ZFYVE9: variants seen among roughly 807,000 people sequenced by gnomAD.
ZFYVE9 encodes zinc finger FYVE-type containing 9.
In ZFYVE9, 43 loss-of-function variants were observed where a neutral mutation model predicts 126.7. The ratio of observed to expected loss-of-function variants is 0.34; its 90% CI spans 0.27 to 0.44. ZFYVE9 has a LOEUF of 0.44. ZFYVE9 is among the 20% of genes least tolerant of loss of function. The pLI is 1.00. For synonymous variants in ZFYVE9, 521 were observed against 597.4 expected, an observed-to-expected ratio of 0.87 and a Z score of 1.87; for missense variants, 1,476 against 1,697.0, an observed-to-expected ratio of 0.87 and a Z score of 2.29.
chr1:52,286,029 G>A (rs1302314635), intron 10 of ZFYVE9, among the ~76,000 whole-genome samples: 1 of 152,016 alleles, frequency 6.6e-6, no homozygotes, highest in Non-Finnish European at 1.5e-5. Flanking sequence ...GATGGTGGGC[G>A]CCTGTCATCC....
In ZFYVE9 at chr1:52,296,127, G is replaced by GTA. The variant is rs139945921; in HGVS notation, c.3333+163_3333+164dup. ...AAGAAAAAGAACAGTATATGTATGT[G>GTA]TATATATATATATACACACACACAC... On this transcript the variant is annotated intron_variant, in intron 12 of 18. Transcript: ENST00000287727. 2,557 of 503,486 alleles carry GTA rather than the reference G, an allele frequency of 5.1e-3. 27 individuals are homozygous for GTA. Among genetic ancestry groups the GTA allele is most frequent in the African/African-American group, 0.034 (1,690 of 50,418 alleles). 31.2% of individuals were successfully genotyped at this position (503,486 alleles called of 1,614,324 possible).
At chr1:52,245,154 ACT>A (rs1376150360) in intron 4 of ZFYVE9, among the ~76,000 whole-genome samples, 2 of 149,044 alleles carry the variant, frequency 1.3e-5, no homozygotes, top group African/African-American at 5.0e-5. Flanking sequence ...ACAGAGAGAG[ACT>A]CTGTCTCAAA....
At chr1:52,302,293 T>G (rs1453025140) in intron 12 of ZFYVE9, among the ~76,000 whole-genome samples, 2 of 152,230 alleles carry the variant, frequency 1.3e-5, no homozygotes, top group East Asian at 3.8e-4. Context: ...GTCAAGTTAC[T>G]TAGAAAAACC....
Position 52,238,495 on chromosome 1 carries a change from G to T in ZFYVE9, c.1078G>T (p.Asp360Tyr). Residue 360 changes from aspartate to tyrosine, a missense_variant, in exon 4 of 19, where the codon GAT becomes TAT. Around this residue, in one of 2 missense-constraint regions of ZFYVE9, gnomAD observed 807 missense variants for 794.6 expected, o/e 1.02. Transcript: ENST00000287727. Reference protein sequence around the residue: ...GRNNDCERCSDCLVPNEVRAD... With the variant: ...GRNNDCERCSYCLVPNEVRAD... ...GAATAATGACTGTGAACGGTGTTCA[G>T]ATTGCCTTGTGCCTAATGAAGTTAG... 6.2e-6 allele frequency: 10 copies of T among 1,614,114 alleles called. No individual in the cohort carries two copies. The highest frequency in any genetic ancestry group is 8.5e-6 in the Non-Finnish European group (10 of 1,179,960).
chr1:52,257,081 G>T (rs1159467833), intron 4 of ZFYVE9, among the ~76,000 whole-genome samples: 1 of 152,280 alleles, frequency 6.6e-6, no homozygotes, highest in East Asian at 1.9e-4. Context: ...CTGTAAGAGG[G>T]TATAAATAGG....
intron 1 of ZFYVE9, among the ~76,000 whole-genome samples, chr1:52,175,825 G>A (rs1644621808): frequency 6.6e-6 from 1 of 152,030 alleles, no homozygotes; most frequent in African/African-American, 2.4e-5. Flanking sequence ...CATTCTTCAC[G>A]TAGTTCTCGA....
At chr1:52,292,282 C>CAA (rs568918260) in intron 10 of ZFYVE9, among the ~76,000 whole-genome samples, 85 of 72,250 alleles carry the variant, frequency 1.2e-3, no homozygotes, top group East Asian at 5.0e-3. Context: ...GACTCCATCT[C>CAA]AAAAAAAAAA....
At chr1:52,178,939 G>A (rs574955125) in intron 1 of ZFYVE9, among the ~76,000 whole-genome samples, 13 of 151,988 alleles carry the variant, frequency 8.6e-5, no homozygotes, top group Admixed American at 7.2e-4. Flanking sequence ...TGAGTAGCTG[G>A]GACCACAGGC....
intron 1 of ZFYVE9, among the ~76,000 whole-genome samples, chr1:52,153,678 A>G (rs1338512220): frequency 1.3e-5 from 2 of 152,172 alleles, no homozygotes; most frequent in African/African-American, 4.8e-5. Flanking sequence ...CCTTGGACAC[A>G]AGGAATACTC....
chr1:52,339,813 G>A lies in ZFYVE9; in HGVS notation c.3834-313G>A, dbSNP rs962445072. Among the ~76,000 whole-genome samples the A allele has an allele frequency of 2.0e-5, 3 of 152,208 alleles. No individual in the cohort carries two copies. The East Asian group carries it at 5.8e-4, about 29-fold the overall frequency. On this transcript the variant is annotated intron_variant, in intron 16 of 18. Transcript: ENST00000287727. Reference sequence around the variant, plus strand: ...GTGGGTGACCATGCATTCACTGAAAGAAGGGATACTGGAAGAAGAGCAGGT... The same window carrying A: ...GTGGGTGACCATGCATTCACTGAAAAAAGGGATACTGGAAGAAGAGCAGGT...
intron 1 of ZFYVE9, among the ~76,000 whole-genome samples, chr1:52,202,860 AT>A (rs1382026712): frequency 2.8e-4 from 42 of 151,020 alleles, no homozygotes; most frequent in Admixed American, 5.9e-4. Flanking sequence ...TAATTTTTGT[AT>A]TTTTAGTAGA....
intron 17 of ZFYVE9, 27 bp from the exon 18 acceptor site, chr1:52,344,735 CAAGTTT>C (rs754759006): frequency 1.4e-5 from 22 of 1,607,846 alleles, no homozygotes; most frequent in Non-Finnish European, 1.9e-5. Flanking sequence ...AATCTAGGCA[CAAGTTT>C]AAAAGTCTCT....
At chr1:52,305,243 C>A (rs1191697899) in intron 13 of ZFYVE9, among the ~76,000 whole-genome samples, 1 of 152,130 alleles carries the variant, frequency 6.6e-6, no homozygotes, top group East Asian at 1.9e-4. Flanking sequence ...GAGTTTGAGA[C>A]CAGCCTGGCC....
At chr1:52,210,595 CAATTT>C (rs1645019062) in intron 1 of ZFYVE9, among the ~76,000 whole-genome samples, 3 of 151,726 alleles carry the variant, frequency 2.0e-5, no homozygotes, top group African/African-American at 7.3e-5. Context: ...TTTAAAATAA[CAATTT>C]AATTATCTCT....
chr1:52,239,502 A>G lies in ZFYVE9; in HGVS notation c.2085A>G (p.Val695=), dbSNP rs34437486. The stretch of plus-strand genomic sequence containing the variant: ...CCACTCTGGGTGAGGTGGCTCCAGT[A>G]TGGGTACCGGATTCTCAGGCTCCAA... ...PFTTLGEVAP[V]WVPDSQAPNC... is the part of the protein sequence containing the mutation. The change falls in exon 4 of 19, where the codon GTA becomes GTG. Residue 695 remains valine (V), a synonymous_variant. Transcript: ENST00000287727. 2,126 of 1,614,110 alleles carry G rather than the reference A, an allele frequency of 1.3e-3. 28 individuals are homozygous for G. The African/African-American group carries it at 0.024, about 19-fold the overall frequency.
intron 13 of ZFYVE9, among the ~76,000 whole-genome samples, chr1:52,310,033 G>A (rs775032903): frequency 1.3e-5 from 2 of 152,122 alleles, no homozygotes; most frequent in Non-Finnish European, 2.9e-5. Context: ...CAGTGGTGGT[G>A]TGATCTCGGC....
At chr1:52,219,573 T>C (rs980390439) in intron 2 of ZFYVE9, among the ~76,000 whole-genome samples, 2 of 151,808 alleles carry the variant, frequency 1.3e-5, no homozygotes, top group African/African-American at 2.4e-5. Context: ...TGTCGGTGAA[T>C]TGGGAATTCG....
chr1:52,268,764 ATAAAG>A, intron 7 of ZFYVE9, 132 bp downstream of exon 7: 3 of 1,086,700 alleles, frequency 2.8e-6, no homozygotes, highest in Non-Finnish European at 3.8e-6. Context: ...ACATATATGG[ATAAAG>A]TAAATGTGGC....
At chr1:52,148,533 A>G (rs1048820278) in intron 1 of ZFYVE9, among the ~76,000 whole-genome samples, 1 of 152,132 alleles carries the variant, frequency 6.6e-6, no homozygotes, top group African/African-American at 2.4e-5. Flanking sequence ...TGTTTAGTAA[A>G]CAGTGAACTC....
Sources: allele counts gnomAD v4.1 joint callset (sites outside exome capture counted in the v4.1 genomes callset), GRCh38; gene constraint gnomAD v4.1.1; regional missense constraint gnomAD v4.1.1; transcripts MANE v1.5; gene names NCBI Gene and HGNC (gene_info 2026-07-23, HGNC 2026-07-21).